SRGAP1: variants seen among roughly 807,000 people sequenced by gnomAD.
The protein encoded by SRGAP1 is SLIT-ROBO Rho GTPase-activating protein 1.
SRGAP1 carries 43 observed loss-of-function variants against 121.9 expected under a neutral mutation model. That is an observed-to-expected ratio of 0.35 (90% CI 0.28 to 0.46). The LOEUF is 0.46. Ranked by LOEUF, SRGAP1 falls within the 20% of genes least tolerant of loss-of-function variation. The pLI, the probability that SRGAP1 is intolerant of heterozygous loss-of-function variation, is 1.00. For synonymous variants in SRGAP1, 447 were observed against 485.4 expected (o/e 0.92, Z 1.04); for missense variants, 1,102 against 1,350.9 (o/e 0.82, Z 2.89).
At chr12:64,114,821 G>GT (rs1346933148) in intron 17 of SRGAP1, among the ~76,000 whole-genome samples, 3 of 152,216 alleles carry the variant, frequency 2.0e-5, no homozygotes, top group African/African-American at 7.2e-5. Context: ...CTTGCAGCCA[G>GT]TAACGTGTGC....
chr12:63,934,651 A>AC lies in SRGAP1; in HGVS notation c.68-49288dup, dbSNP rs924408740. On this transcript the variant is annotated intron_variant, in intron 1 of 21. Coordinates refer to ENST00000355086, the MANE Select transcript of SRGAP1 (RefSeq NM_020762.4). ...TTTCCAGGATCTGAGCACAACCACCACCCCCCCCAACAATCTGCTCCATAA... is the reference window on the plus strand; with the variant it reads ...TTTCCAGGATCTGAGCACAACCACCACCCCCCCCCAACAATCTGCTCCATAA... 1.4e-3 allele frequency among the ~76,000 whole-genome samples: 203 copies of AC among 149,236 alleles called. 1 individual carries two copies. Among genetic ancestry groups the AC allele is most frequent in the African/African-American group, 3.4e-3 (136 of 40,530 alleles).
At chr12:64,089,713 A>G (rs1438457722) in intron 11 of SRGAP1, among the ~76,000 whole-genome samples, 2 of 152,194 alleles carry the variant, frequency 1.3e-5, no homozygotes, top group African/African-American at 4.8e-5. Flanking sequence ...AGAAGTTTCC[A>G]TATTCTCTCC....
chr12:64,031,505 C>T (rs2034780168), intron 4 of SRGAP1, among the ~76,000 whole-genome samples: 1 of 152,004 alleles, frequency 6.6e-6, no homozygotes. Flanking sequence ...CCAACCACCT[C>T]CTTTGTAGGA....
intron 1 of SRGAP1, among the ~76,000 whole-genome samples, chr12:63,948,907 A>G (rs61933142): frequency 1.4e-5 from 1 of 73,144 alleles, no homozygotes; most frequent in African/African-American, 4.5e-5. Context: ...CCATATATAT[A>G]TTTTCCATAT....
chr12:63,919,509 TATATATATATATACAC>T (rs974030766), intron 1 of SRGAP1, among the ~76,000 whole-genome samples: 3 of 148,272 alleles, frequency 2.0e-5, no homozygotes, highest in Non-Finnish European at 4.4e-5. Context: ...CATATATATA[TATATATATATATACAC>T]ATACACACAC....
rs575580052 is a variant in SRGAP1 at position 64,092,758 on chromosome 12, T to C, written c.1539+1380T>C. 4.6e-5 allele frequency among the ~76,000 whole-genome samples: 7 copies of C among 152,298 alleles called. No individual in the cohort carries two copies. The East Asian group carries it at 1.3e-3, about 29-fold the overall frequency. On this transcript the variant is annotated intron_variant, in intron 12 of 21. Transcript: ENST00000355086. ...ACGATAAAATGAAAGCAATGAGATA[T>C]GCAGCTGATGGCCTGGCAGAGAAAG...
chr12:64,048,916 T>G (rs1800250452), intron 6 of SRGAP1, among the ~76,000 whole-genome samples: 1 of 152,174 alleles, frequency 6.6e-6, no homozygotes, highest in Non-Finnish European at 1.5e-5. Context: ...CTTGTCAGAT[T>G]GATAGCTTGC....
At chr12:63,987,827 G>T (rs979064480) in intron 2 of SRGAP1, among the ~76,000 whole-genome samples, 1 of 152,196 alleles carries the variant, frequency 6.6e-6, no homozygotes, top group African/African-American at 2.4e-5. Context: ...ATACCAGCCC[G>T]TGATAAAACA....
At chr12:64,095,679 G>A (rs1159794701) in intron 14 of SRGAP1, among the ~76,000 whole-genome samples, 1 of 152,066 alleles carries the variant, frequency 6.6e-6, no homozygotes, top group Non-Finnish European at 1.5e-5. Context: ...ACTAAACTGG[G>A]TCATATGCCA....
chr12:63,948,897 C>G (rs1409151749), intron 1 of SRGAP1, among the ~76,000 whole-genome samples: 1 of 71,524 alleles, frequency 1.4e-5, no homozygotes, highest in African/African-American at 4.8e-5. Context: ...TATATATATT[C>G]CATATATATA....
At chr12:64,123,147 T>TA (rs1252557205) in intron 18 of SRGAP1, among the ~76,000 whole-genome samples, 1 of 152,354 alleles carries the variant, frequency 6.6e-6, no homozygotes, top group East Asian at 1.9e-4. Flanking sequence ...CAAATACAAA[T>TA]ATGTGGGTGT....
chr12:63,924,040 C>T (rs1170307667), intron 1 of SRGAP1, among the ~76,000 whole-genome samples: 13 of 152,070 alleles, frequency 8.5e-5, no homozygotes, highest in African/African-American at 2.4e-5. Context: ...ACTTGAGAGG[C>T]CAAGGCAGGA....
At chr12:64,049,610 A>G (rs1162887550) in intron 6 of SRGAP1, among the ~76,000 whole-genome samples, 1 of 152,146 alleles carries the variant, frequency 6.6e-6, no homozygotes, top group African/African-American at 2.4e-5. Flanking sequence ...ACAATTCAAG[A>G]TGAGATTTCG....
intron 1 of SRGAP1, among the ~76,000 whole-genome samples, chr12:63,919,161 T>G (rs1592945767): frequency 6.6e-6 from 1 of 152,082 alleles, no homozygotes; most frequent in Admixed American, 6.6e-5. Flanking sequence ...GGAGTGATTC[T>G]CCCACCTCAG....
intron 1 of SRGAP1, among the ~76,000 whole-genome samples, chr12:63,866,683 A>G (rs1178403833): frequency 6.6e-6 from 1 of 151,354 alleles, no homozygotes; most frequent in Non-Finnish European, 1.5e-5. Context: ...TTATTTACTT[A>G]TTGAACAAAT....
chr12:64,022,627 G>A (rs775447272), intron 4 of SRGAP1, among the ~76,000 whole-genome samples: 27 of 152,284 alleles, frequency 1.8e-4, no homozygotes, highest in Middle Eastern at 3.4e-3. Context: ...ATCTGACAAG[G>A]CACAAGGATA....
At chr12:64,104,934 G>A (rs1005905621) in intron 15 of SRGAP1, among the ~76,000 whole-genome samples, 10 of 151,884 alleles carry the variant, frequency 6.6e-5, no homozygotes, top group Middle Eastern at 3.4e-3. Flanking sequence ...AATTTACCAT[G>A]TTAACGATTT....
intron 1 of SRGAP1, among the ~76,000 whole-genome samples, chr12:63,874,706 C>T (rs1899972864): frequency 6.6e-6 from 1 of 151,948 alleles, no homozygotes; most frequent in Non-Finnish European, 1.5e-5. Context: ...ATGTGTAGTA[C>T]AATGATGATT....
intron 1 of SRGAP1, among the ~76,000 whole-genome samples, chr12:63,850,630 C>T (rs566045359): frequency 5.9e-5 from 8 of 136,336 alleles, no homozygotes; most frequent in African/African-American, 1.1e-4. Flanking sequence ...GATAGGGTTT[C>T]GCCATGTTGC....
Sources: gnomAD v4.1 joint callset for allele counts (sites outside exome capture counted in the v4.1 genomes callset) on GRCh38, gnomAD v4.1.1 for gene constraint, MANE v1.5 for transcripts, NCBI Gene and HGNC (gene_info 2026-07-23, HGNC 2026-07-21) for gene names.